The following IGSF11 variants were observed in gnomAD, a reference collection of about 807,000 sequenced individuals.
IGSF11 encodes the protein immunoglobulin superfamily member 11.
A neutral mutation model predicts 41.0 loss-of-function variants in IGSF11; 22 were observed. That is an observed-to-expected ratio of 0.54 (90% confidence interval 0.38 to 0.77). The LOEUF (loss-of-function observed/expected upper bound fraction) is 0.77, where lower values mean the gene tolerates loss of function less well. Among genes scored for constraint, IGSF11 ranks in the 30% least tolerant of loss-of-function variants. The pLI, the probability that IGSF11 is intolerant of heterozygous loss-of-function variation, is 0.00. For missense variants in IGSF11, 444 were observed against 530.8 expected (o/e 0.84, Z 1.61); for synonymous variants, 219 against 201.3 (o/e 1.09, Z -0.74).
In IGSF11 at chr3:118,967,913, TAAG is replaced by T. The variant is rs3079213; in HGVS notation, c.53-37641_53-37639del. Among the ~76,000 whole-genome samples, 595 of 152,230 alleles carry T rather than the reference TAAG, an allele frequency of 3.9e-3. 4 individuals carry two copies. Among genetic ancestry groups the T allele is most frequent in the Non-Finnish European group, 5.6e-3 (383 of 68,016 alleles). ...TGCATGTTCTTCTTTATTCTCACAA[TAAG>T]GACACATTTGCCAATAACTTTAATG... is the stretch of plus-strand genomic sequence containing the variant. On this transcript the variant is annotated intron_variant, in intron 1 of 6. Transcript: ENST00000393775.
chr3:118,908,730 AG>A (rs1939906571), intron 4 of IGSF11, among the ~76,000 whole-genome samples: 1 of 152,212 alleles, frequency 6.6e-6, no homozygotes, highest in African/African-American at 2.4e-5. Flanking sequence ...CTGGCACAGA[AG>A]GCCCTTCTGA....
At chr3:119,072,832 A>G (rs1013570727) in intron 1 of IGSF11, among the ~76,000 whole-genome samples, 1 of 152,178 alleles carries the variant, frequency 6.6e-6, no homozygotes, top group Non-Finnish European at 1.5e-5. Context: ...GCAGGTTGCC[A>G]CTGCTGGCAG....
At chr3:118,945,669 C>A (rs1944073560) in intron 1 of IGSF11, among the ~76,000 whole-genome samples, 1 of 152,126 alleles carries the variant, frequency 6.6e-6, no homozygotes, top group African/African-American at 2.4e-5. Flanking sequence ...TATTTCTAAG[C>A]AGATTAACTA....
intron 4 of IGSF11, among the ~76,000 whole-genome samples, chr3:118,922,306 A>T (rs1941879711): frequency 6.6e-6 from 1 of 152,162 alleles, no homozygotes; most frequent in African/African-American, 2.4e-5. Context: ...TGACTAACAA[A>T]AATTGTATAT....
rs954696243 is a variant in IGSF11 at position 119,057,442 on chromosome 3, A to G, written c.49+47702T>C. 2.1e-4 allele frequency among the ~76,000 whole-genome samples: 32 copies of G among 152,294 alleles called. No individual in the cohort carries two copies. The East Asian group carries it at 3.5e-3, about 17-fold the overall frequency. ...GATGTGAAGGACCTCTTTGAGGAGA[A>G]CTACAAACCACTGCTCAATGAAATA... is the stretch of plus-strand genomic sequence containing the variant. On this transcript the variant is annotated intron_variant, in intron 1 of 6. Transcript: ENST00000354673.
intron 1 of IGSF11, among the ~76,000 whole-genome samples, chr3:118,982,745 C>A (rs1045407651): frequency 1.3e-5 from 2 of 152,108 alleles, no homozygotes; most frequent in Admixed American, 6.5e-5. Flanking sequence ...AATGACCCCT[C>A]GACAGTTTGT....
intron 1 of IGSF11, among the ~76,000 whole-genome samples, chr3:119,140,644 C>T (rs986328588): frequency 2.6e-5 from 4 of 151,122 alleles, no homozygotes; most frequent in African/African-American, 2.4e-5. Flanking sequence ...GAGAACATTC[C>T]GCCCAACCGC....
chr3:119,081,484 T>A (rs2076585426), intron 1 of IGSF11, among the ~76,000 whole-genome samples: 1 of 152,202 alleles, frequency 6.6e-6, no homozygotes, highest in Non-Finnish European at 1.5e-5. Context: ...TGGTACAGTA[T>A]TTTATATACA....
At chr3:119,132,740 C>G (rs2077502532) in intron 1 of IGSF11, among the ~76,000 whole-genome samples, 2 of 152,172 alleles carry the variant, frequency 1.3e-5, no homozygotes, top group African/African-American at 4.8e-5. Context: ...CTACAGAACT[C>G]TCCACCCCAA....
At chr3:118,974,095 C>T (rs1392335389) in intron 1 of IGSF11, among the ~76,000 whole-genome samples, 1 of 151,138 alleles carries the variant, frequency 6.6e-6, no homozygotes, top group Non-Finnish European at 1.5e-5. Flanking sequence ...ACGTGTATCC[C>T]AGAACTTTAA....
chr3:119,117,013 C>T (rs530619519), intron 1 of IGSF11, among the ~76,000 whole-genome samples: 4 of 152,062 alleles, frequency 2.6e-5, no homozygotes, highest in African/African-American at 9.6e-5. Flanking sequence ...CCTTGAAAAA[C>T]CCCTAACATA....
chr3:119,110,437 T>A (rs2077130460), intron 1 of IGSF11, among the ~76,000 whole-genome samples: 1 of 152,234 alleles, frequency 6.6e-6, no homozygotes, highest in African/African-American at 2.4e-5. Flanking sequence ...GTTTTCCATT[T>A]GCTTGGTAGA....
chr3:119,100,799 CA>C (rs1272282032), intron 1 of IGSF11, among the ~76,000 whole-genome samples: 1 of 152,128 alleles, frequency 6.6e-6, no homozygotes, highest in Non-Finnish European at 1.5e-5. Flanking sequence ...AAGTTACATC[CA>C]GGGGGCATCT....
intron 4 of IGSF11, among the ~76,000 whole-genome samples, chr3:118,922,964 G>A (rs1941967293): frequency 6.6e-6 from 1 of 152,128 alleles, no homozygotes; most frequent in African/African-American, 2.4e-5. Context: ...GGAACTGACT[G>A]GAACACCTCA....
chr3:119,118,501 G>T (rs2077290241), intron 1 of IGSF11, among the ~76,000 whole-genome samples: 1 of 152,172 alleles, frequency 6.6e-6, no homozygotes, highest in Admixed American at 6.5e-5. Context: ...GGAACCTTGG[G>T]CTCAGCCCAC....
intron 1 of IGSF11, among the ~76,000 whole-genome samples, chr3:118,938,214 C>T (rs948976731): frequency 6.6e-6 from 1 of 152,200 alleles, no homozygotes; most frequent in Non-Finnish European, 1.5e-5. Context: ...CAGCAAGTTT[C>T]CTATTATCAC....
At chr3:119,055,783 A>G (rs1941808510) in intron 1 of IGSF11, among the ~76,000 whole-genome samples, 2 of 152,244 alleles carry the variant, frequency 1.3e-5, no homozygotes, top group Non-Finnish European at 2.9e-5. Context: ...CTCAGACCAC[A>G]GTGCAATCAA....
At chr3:119,144,767 A>G (rs1395185225) in intron 1 of IGSF11, among the ~76,000 whole-genome samples, 3 of 152,214 alleles carry the variant, frequency 2.0e-5, no homozygotes, top group African/African-American at 7.2e-5. Flanking sequence ...ATAGATTTGC[A>G]TGGGGGTATT....
At chr3:118,924,734 T>G (rs1273951853) in intron 4 of IGSF11, among the ~76,000 whole-genome samples, 1 of 152,128 alleles carries the variant, frequency 6.6e-6, no homozygotes, top group Non-Finnish European at 1.5e-5. Flanking sequence ...CACTGTCAAT[T>G]GTTCACTTAA....
Sources: gnomAD v4.1 joint callset for allele counts (sites outside exome capture counted in the v4.1 genomes callset) on GRCh38, gnomAD v4.1.1 for gene constraint, MANE v1.5 for transcripts, NCBI Gene and HGNC (gene_info 2026-07-23, HGNC 2026-07-21) for gene names.